The following CDH13 variants were observed in gnomAD, a reference collection of about 807,000 sequenced individuals.
CDH13 encodes the protein cadherin-13.
CDH13 carries 24 observed loss-of-function variants against 63.8 expected under a neutral mutation model. The ratio of observed to expected loss-of-function variants is 0.38; its 90% confidence interval spans 0.27 to 0.53. CDH13 has a LOEUF of 0.53. CDH13 is among the 20% of genes least tolerant of loss of function. The probability of loss-of-function intolerance (pLI) is 0.85; values close to 1 mark genes in which losing one functional copy is unlikely to be tolerated. For synonymous variants in CDH13, 503 were observed against 355.3 expected, an observed-to-expected ratio of 1.42 and a Z score of -4.67; for missense variants, 1,049 against 903.1, an observed-to-expected ratio of 1.16 and a Z score of -2.07.
chr16:82,833,429 G>C (rs144149845), intron 1 of CDH13, among the ~76,000 whole-genome samples: 3 of 152,316 alleles, frequency 2.0e-5, no homozygotes, highest in South Asian at 2.1e-4. Flanking sequence ...AGGTTTGCTT[G>C]ACTTCACAGT....
At chr16:83,171,414 A>G in intron 4 of CDH13, 4 of 919,076 alleles carry the variant, frequency 4.4e-6, no homozygotes, top group Non-Finnish European at 6.8e-6. Context: ...TTACAGTTGA[A>G]CATGAGATTT....
intron 7 of CDH13, among the ~76,000 whole-genome samples, chr16:83,596,149 A>T (rs1907235006): frequency 6.6e-6 from 1 of 152,172 alleles, no homozygotes; most frequent in Admixed American, 6.5e-5. Flanking sequence ...TGACCTTGAT[A>T]ATGGGGCCCC....
intron 5 of CDH13, among the ~76,000 whole-genome samples, chr16:83,305,705 C>T (rs531807815): frequency 2.6e-4 from 39 of 152,142 alleles, no homozygotes; most frequent in African/African-American, 8.7e-4. Context: ...CATGTGATCC[C>T]GGGGGCAAAT....
At chr16:83,738,901 G>A (rs888868677) in intron 10 of CDH13, among the ~76,000 whole-genome samples, 11 of 152,088 alleles carry the variant, frequency 7.2e-5, no homozygotes, top group African/African-American at 1.9e-4. Flanking sequence ...GGGAGACTCC[G>A]TCTGAAAACA....
chr16:83,344,134 C>G (rs1483975903), intron 5 of CDH13, among the ~76,000 whole-genome samples: 1 of 152,200 alleles, frequency 6.6e-6, no homozygotes, highest in Non-Finnish European at 1.5e-5. Flanking sequence ...TGAGTTAAAT[C>G]AAGGTTGAAT....
chr16:83,533,296 C>T (rs139939543), intron 7 of CDH13, among the ~76,000 whole-genome samples: 289 of 152,274 alleles, frequency 1.9e-3, no homozygotes, highest in African/African-American at 6.3e-3. Context: ...CTCAACTCAG[C>T]GTGACTCGCA....
In CDH13 at chr16:82,781,239, A is replaced by G. The variant is rs184114413; in HGVS notation, c.46-77123A>G. 5.1e-4 allele frequency among the ~76,000 whole-genome samples: 77 copies of G among 152,344 alleles called. 2 individuals carry two copies. Among genetic ancestry groups the G allele is most frequent in the South Asian group, 3.5e-3 (17 of 4,828 alleles). ...GGCTGTTTAGTTGCCACAGGGAAAC[A>G]TTATACCAATTGGCCTATAGCTTGA... On this transcript the variant is annotated intron_variant, in intron 1 of 13. Coordinates refer to ENST00000567109, the MANE Select transcript of CDH13 (RefSeq NM_001257.5).
At chr16:83,272,069 G>C (rs951101915) in intron 5 of CDH13, among the ~76,000 whole-genome samples, 1 of 152,176 alleles carries the variant, frequency 6.6e-6, no homozygotes, top group Admixed American at 6.5e-5. Context: ...AAATTAATTT[G>C]TTCAACCAGT....
intron 2 of CDH13, among the ~76,000 whole-genome samples, chr16:82,965,473 A>G (rs1471793924): frequency 4.6e-5 from 7 of 152,202 alleles, no homozygotes; most frequent in African/African-American, 1.7e-4. Context: ...CAAATATTCC[A>G]TTGCAAACTT....
At chr16:83,493,321 A>G (rs1458631537) in intron 7 of CDH13, among the ~76,000 whole-genome samples, 1 of 152,246 alleles carries the variant, frequency 6.6e-6, no homozygotes, top group Non-Finnish European at 1.5e-5. Flanking sequence ...GTTTCTTTAA[A>G]TTGAATGAAA....
intron 7 of CDH13, among the ~76,000 whole-genome samples, chr16:83,564,937 T>A (rs1598297474): frequency 6.6e-6 from 1 of 152,060 alleles, no homozygotes. Context: ...TGTTGTTGTT[T>A]TGTTTGTTTG....
At chr16:82,852,689 T>C (rs2039541612) in intron 1 of CDH13, among the ~76,000 whole-genome samples, 1 of 152,218 alleles carries the variant, frequency 6.6e-6, no homozygotes, top group African/African-American at 2.4e-5. Context: ...CCAACTCGAA[T>C]GCCTAGATGT....
At chr16:82,817,906 C>T (rs1281609316) in intron 1 of CDH13, among the ~76,000 whole-genome samples, 1 of 152,074 alleles carries the variant, frequency 6.6e-6, no homozygotes, top group Non-Finnish European at 1.5e-5. Context: ...CAAATGCATG[C>T]ATACATGCAC....
intron 6 of CDH13, among the ~76,000 whole-genome samples, chr16:83,364,448 A>C (rs1204721875): frequency 6.6e-6 from 1 of 152,230 alleles, no homozygotes; most frequent in Non-Finnish European, 1.5e-5. Context: ...TCTCATTTAC[A>C]GATAAGGACC....
rs917543664 is a variant in CDH13 at position 82,672,840 on chromosome 16, A to G, written c.45+45703A>G. Among the ~76,000 whole-genome samples the G allele has an allele frequency of 2.6e-5, 4 of 151,626 alleles. No individual in the cohort carries two copies. In the South Asian group the frequency reaches 8.4e-4, roughly 32 times the overall value. ...ACAAAATATATATATTTGGAGACAG[A>G]GCCTCACTGTGTTGCCCAGGCTGGA... is the stretch of plus-strand genomic sequence containing the variant. On this transcript the variant is annotated intron_variant, in intron 1 of 13. Coordinates refer to ENST00000567109, the MANE Select transcript of CDH13 (RefSeq NM_001257.5).
chr16:83,408,637 C>A (rs2151453179), intron 6 of CDH13, among the ~76,000 whole-genome samples: 1 of 152,320 alleles, frequency 6.6e-6, no homozygotes, highest in East Asian at 1.9e-4. Flanking sequence ...TGTGGCCCAT[C>A]ATTGACTGAT....
At chr16:82,826,048 G>C (rs922836842) in intron 1 of CDH13, 3 of 151,830 alleles carry the variant, frequency 2.0e-5, no homozygotes, top group African/African-American at 7.3e-5. Context: ...GTAGAGTCGG[G>C]GTTTCACCAT....
At chr16:83,620,776 C>G (rs1909740231) in intron 8 of CDH13, among the ~76,000 whole-genome samples, 1 of 152,200 alleles carries the variant, frequency 6.6e-6, no homozygotes, top group Admixed American at 6.5e-5. Flanking sequence ...AGTCTGGCCT[C>G]TGCATCTGCT....
chr16:83,231,321 T>A (rs1043338959), intron 5 of CDH13, among the ~76,000 whole-genome samples: 1 of 152,214 alleles, frequency 6.6e-6, no homozygotes, highest in African/African-American at 2.4e-5. Context: ...CATCTGTGCG[T>A]TGGCAAATCT....
Sources: allele counts gnomAD v4.1 joint callset (sites outside exome capture counted in the v4.1 genomes callset), GRCh38; gene constraint gnomAD v4.1.1; transcripts MANE v1.5; gene names NCBI Gene and HGNC (gene_info 2026-07-23, HGNC 2026-07-21).